The following NDUFAF6 variants were observed in gnomAD, a reference collection of about 807,000 sequenced individuals.
The protein encoded by NDUFAF6 is NADH:ubiquinone oxidoreductase complex assembly factor 6, also known as NADH dehydrogenase (ubiquinone) complex I, assembly factor 6.
Under a neutral mutation model 40.8 loss-of-function variants are expected in NDUFAF6, and 45 were observed. The observed-to-expected ratio is 1.10, with a 90% CI of 0.87 to 1.42. NDUFAF6 has a LOEUF of 1.42. Among genes scored for constraint, NDUFAF6 ranks in the 40% most tolerant of loss-of-function variants. NDUFAF6 has a pLI of 0.00. For synonymous variants in NDUFAF6, 185 were observed against 155.9 expected (o/e 1.19, Z -1.39); for missense variants, 435 against 418.5 (o/e 1.04, Z -0.34).
chr8:94,968,797 G>C (rs1252852490), intron 1 of NDUFAF6, among the ~76,000 whole-genome samples: 3 of 152,186 alleles, frequency 2.0e-5, no homozygotes, highest in Non-Finnish European at 4.4e-5. Flanking sequence ...TGGCCCAGGG[G>C]AGAGAGAGCA....
At chr8:95,016,235 GT>G (rs1188209573) in intron 2 of NDUFAF6, among the ~76,000 whole-genome samples, 1 of 152,168 alleles carries the variant, frequency 6.6e-6, no homozygotes, top group African/African-American at 2.4e-5. Context: ...ATTATTTCAT[GT>G]TGACAATATG....
chr8:95,018,438 A>T (rs549470003), intron 2 of NDUFAF6, among the ~76,000 whole-genome samples: 1 of 152,220 alleles, frequency 6.6e-6, no homozygotes, highest in South Asian at 2.1e-4. Context: ...TCATTCATTC[A>T]TCCATTAACT....
At chr8:94,955,083 C>T (rs1822961638), upstream of NDUFAF6, among the ~76,000 whole-genome samples, 1 of 152,146 alleles carries the variant, frequency 6.6e-6, no homozygotes, top group Admixed American at 6.5e-5. Flanking sequence ...GTTTCCTCAC[C>T]TGTAAAAGAG....
intron 1 of NDUFAF6, among the ~76,000 whole-genome samples, chr8:94,961,588 A>G (rs574183): frequency 0.29 from 44,757 of 151,852 alleles, 7,840 homozygotes; most frequent in Non-Finnish European, 0.39. Flanking sequence ...CACCTGGCTA[A>G]TTTTTTTGTA....
At chr8:94,970,204 G>C (rs866819548) in intron 1 of NDUFAF6, among the ~76,000 whole-genome samples, 8 of 132,332 alleles carry the variant, frequency 6.0e-5, no homozygotes, top group African/African-American at 2.3e-4. Context: ...GCAGTGAGCC[G>C]AGATCACACC....
intron 2 of NDUFAF6, among the ~76,000 whole-genome samples, chr8:95,002,877 G>T (rs77407018): frequency 0.025 from 3,816 of 152,204 alleles, 179 homozygotes; most frequent in African/African-American, 0.084. Flanking sequence ...TCAAATAATG[G>T]GATTGTTGCT....
At chr8:95,007,604 T>G (rs1827049040) in intron 2 of NDUFAF6, among the ~76,000 whole-genome samples, 1 of 149,616 alleles carries the variant, frequency 6.7e-6, no homozygotes, top group Non-Finnish European at 1.5e-5. Flanking sequence ...GTTGAGGCTA[T>G]AGTGAGCCAT....
Position 95,032,020 on chromosome 8 carries a change from T to C in NDUFAF6, c.223T>C (p.Cys75Arg), listed in dbSNP as rs758619898. The C allele has an allele frequency of 3.0e-5, 48 of 1,613,998 alleles. No homozygotes were observed. In the South Asian group the frequency reaches 5.1e-4, roughly 17 times the overall value. Reference protein sequence around the residue: ...LRKRDYEGYLCSLLLPAESRS... With the variant: ...LRKRDYEGYLRSLLLPAESRS... ...GAAACGGGATTATGAAGGTTATTTA[T>C]GCTCCCTGCTGCTCCCTGCAGAATC... is the stretch of plus-strand genomic sequence containing the variant. The change falls in exon 2 of 9, where the codon TGC (cysteine) becomes CGC (arginine). Residue 75 changes from cysteine to arginine, a missense_variant. Physicochemically the swap from Cys to Arg is radical, Grantham distance 180. Coordinates refer to ENST00000396124, the MANE Select transcript of NDUFAF6 (RefSeq NM_152416.4).
intron 2 of NDUFAF6, among the ~76,000 whole-genome samples, chr8:95,003,793 G>A (rs1446673768): frequency 6.6e-6 from 1 of 152,024 alleles, no homozygotes; most frequent in African/African-American, 2.4e-5. Context: ...TTTTTATTGT[G>A]GTAAAATACA....
chr8:94,983,091 C>G (rs1825576181), intron 2 of NDUFAF6, among the ~76,000 whole-genome samples: 1 of 151,890 alleles, frequency 6.6e-6, no homozygotes, highest in African/African-American at 2.4e-5. Context: ...GTGGTCATTG[C>G]AAAAACTAAA....
At chr8:95,106,863 G>A (rs1367808842), downstream of NDUFAF6, among the ~76,000 whole-genome samples, 1 of 152,168 alleles carries the variant, frequency 6.6e-6, no homozygotes, top group African/African-American at 2.4e-5. Flanking sequence ...CATTTATGTG[G>A]CCAACAAACA....
intron 1 of NDUFAF6, among the ~76,000 whole-genome samples, chr8:95,030,174 A>G (rs892474396): frequency 2.0e-5 from 3 of 151,824 alleles, no homozygotes; most frequent in South Asian, 2.1e-4. Flanking sequence ...ATTAATTTTT[A>G]TTGGTACAAG....
At chr8:95,092,492 T>A (rs2132065601) in intron 2 of NDUFAF6, among the ~76,000 whole-genome samples, 1 of 151,710 alleles carries the variant, frequency 6.6e-6, no homozygotes, top group African/African-American at 2.4e-5. Flanking sequence ...CCCTATGACA[T>A]AATTTGATTC....
intron 1 of NDUFAF6, among the ~76,000 whole-genome samples, chr8:94,934,276 A>C (rs1359156275): frequency 6.6e-6 from 1 of 152,066 alleles, no homozygotes; most frequent in Admixed American, 6.5e-5. Context: ...TTGCATTTGT[A>C]CTGTTTCTGT....
intron 2 of NDUFAF6, among the ~76,000 whole-genome samples, chr8:95,018,193 C>T (rs951137676): frequency 8.1e-6 from 1 of 124,096 alleles, no homozygotes; most frequent in Non-Finnish European, 1.7e-5. Context: ...GTGGGCACCA[C>T]CATGCTTGGC....
At chr8:94,931,378 C>T (rs901580844) in intron 1 of NDUFAF6, among the ~76,000 whole-genome samples, 9 of 151,978 alleles carry the variant, frequency 5.9e-5, no homozygotes, top group African/African-American at 1.9e-4. Context: ...ATTTACATGG[C>T]AATATAAGAC....
At chr8:94,914,069 C>A (rs960082851) in intron 1 of NDUFAF6, among the ~76,000 whole-genome samples, 1 of 146,430 alleles carries the variant, frequency 6.8e-6, no homozygotes, top group African/African-American at 2.5e-5. Flanking sequence ...GGATTACAGG[C>A]GTGAGCCACC....
At chr8:94,972,864 A>T (rs1267393477) in intron 1 of NDUFAF6, among the ~76,000 whole-genome samples, 1 of 152,066 alleles carries the variant, frequency 6.6e-6, no homozygotes, top group Non-Finnish European at 1.5e-5. Flanking sequence ...GTGCCACTGC[A>T]TGCAGCCTGG....
At chr8:94,900,467 G>A (rs948138915) in intron 1 of NDUFAF6, among the ~76,000 whole-genome samples, 1 of 152,164 alleles carries the variant, frequency 6.6e-6, no homozygotes, top group Non-Finnish European at 1.5e-5. Flanking sequence ...CCACCTCAGA[G>A]GGAGGGCCCT....
Sources: allele counts gnomAD v4.1 joint callset (sites outside exome capture counted in the v4.1 genomes callset), GRCh38; gene constraint gnomAD v4.1.1; transcripts MANE v1.5; gene names NCBI Gene and HGNC (gene_info 2026-07-23, HGNC 2026-07-21).